The following PANK2 variants were observed in gnomAD, a reference collection of about 807,000 sequenced individuals.
PANK2 encodes the protein pantothenate kinase 2, mitochondrial.
A neutral mutation model predicts 43.1 loss-of-function variants in PANK2; 36 were observed. That is an observed-to-expected ratio of 0.84 (90% CI 0.64 to 1.10). PANK2 has a LOEUF of 1.10. Among genes scored for constraint, PANK2 ranks in the 50% least tolerant of loss-of-function variants. The pLI is 0.00. For missense variants in PANK2, 576 were observed against 593.3 expected (o/e 0.97, Z 0.30); for synonymous variants, 281 against 238.2 (o/e 1.18, Z -1.66).
Position 3,925,257 on chromosome 20 carries a change from G to C in PANK2, c.*1963G>C, listed in dbSNP as rs2090703306. 6.6e-6 allele frequency: 1 copy of C among 152,418 alleles called. No individual in the cohort carries two copies. Among genetic ancestry groups the C allele is most frequent in the Non-Finnish European group, 1.5e-5 (1 of 68,226 alleles). The allele number at this position is 152,418 out of a possible 1,614,324, so 9.4% of individuals were successfully genotyped here. On this transcript the variant is annotated 3_prime_UTR_variant, in exon 7 of 7. Coordinates refer to ENST00000610179, the MANE Select transcript of PANK2 (RefSeq NM_001386393.1). Reference sequence around the variant, plus strand: ...TGTCACTCCACAGCAGGGTTTTTGAGACAGTCTCGCTGTGTCACCCAGGTG... The same window carrying C: ...TGTCACTCCACAGCAGGGTTTTTGACACAGTCTCGCTGTGTCACCCAGGTG...
At chr20:3,913,794 T>A (rs6139238) in intron 4 of PANK2, among the ~76,000 whole-genome samples, 76,186 of 127,302 alleles carry the variant, frequency 0.6, 22,441 homozygotes, top group Non-Finnish European at 0.63. Context: ...ATATATATTT[T>A]TTTTTTTTTT....
chr20:3,917,964 C>T (rs953698586), intron 5 of PANK2, among the ~76,000 whole-genome samples: 3 of 152,112 alleles, frequency 2.0e-5, no homozygotes, highest in African/African-American at 7.2e-5. Flanking sequence ...TATCAAATAA[C>T]AGAGCTTGGC....
chr20:3,898,936 G>A (rs1256652752), intron 1 of PANK2, among the ~76,000 whole-genome samples: 1 of 151,592 alleles, frequency 6.6e-6, no homozygotes, highest in Non-Finnish European at 1.5e-5. Context: ...GTGCAGTGGT[G>A]CGACCTCGGC....
At chr20:3,921,257 GT>G (rs1395499159) in intron 6 of PANK2, 2 of 150,444 alleles carry the variant, frequency 1.3e-5, no homozygotes, top group African/African-American at 4.9e-5. Flanking sequence ...GTGTCCAAGT[GT>G]TCTCATTGTT....
At chr20:3,897,615 C>T (rs1033777380) in intron 1 of PANK2, among the ~76,000 whole-genome samples, 1 of 151,394 alleles carries the variant, frequency 6.6e-6, no homozygotes, top group African/African-American at 2.4e-5. Context: ...TCACTTGAGC[C>T]AGGGAGGTTG....
chr20:3,889,167 C>T, upstream of PANK2: 2 of 1,602,956 alleles, frequency 1.2e-6, no homozygotes, highest in Non-Finnish European at 1.7e-6. Flanking sequence ...CTCTTCTGGG[C>T]TACACCGCCT....
intron 2 of PANK2, among the ~76,000 whole-genome samples, chr20:3,910,190 T>G (rs1193554222): frequency 1.3e-5 from 2 of 152,202 alleles, no homozygotes; most frequent in African/African-American, 4.8e-5. Context: ...CCACCCTGTG[T>G]CACAAGGTGG....
At chr20:3,911,747 C>T (rs1015052825) in intron 3 of PANK2, among the ~76,000 whole-genome samples, 7 of 152,062 alleles carry the variant, frequency 4.6e-5, no homozygotes, top group African/African-American at 9.7e-5. Flanking sequence ...CAAAATTAGC[C>T]GGGCGTGGTG....
intron 4 of PANK2, among the ~76,000 whole-genome samples, chr20:3,914,796 G>C (rs2090531954): frequency 6.6e-6 from 1 of 151,568 alleles, no homozygotes; most frequent in Admixed American, 6.6e-5. Context: ...TTTTAGTAGA[G>C]ATGGGGTTTG....
In PANK2 at chr20:3,910,905, A is replaced by T. The variant is rs989832390; in HGVS notation, c.905+75A>T. On this transcript the variant is annotated intron_variant, in intron 3 of 6. Coordinates refer to ENST00000610179, the MANE Select transcript of PANK2 (RefSeq NM_001386393.1). ...GAGTTTTCAGGTATTACATGTAACT[A>T]CACCTTCAAGAACCTGTTAGGTGAA... 2.4e-5 allele frequency: 37 copies of T among 1,544,320 alleles called. No homozygotes were observed. The Admixed American group carries it at 5.7e-4, about 24-fold the overall frequency.
At position 3,910,764 on chromosome 20, in the gene PANK2, T is replaced by A. The variant is rs777170093; in HGVS notation, c.839T>A (p.Ile280Asn). 5 of 1,614,066 alleles carry A rather than the reference T, an allele frequency of 3.1e-6. No individual in the cohort carries two copies. In the South Asian group the frequency reaches 4.4e-5, roughly 14 times the overall value. Residue 280 changes from isoleucine to asparagine, a missense_variant, in exon 3 of 7, where the codon ATT becomes AAT. This residue lies in a region of PANK2 where 544 missense variants were observed against 528.9 expected (regional missense o/e 1.03). Transcript: ENST00000610179. ...CCGTATCCTCTGCTTCTGGTGAACA[T>A]TGGCTCAGGGGTTAGCATCTTAGCA...
rs936056778 is a variant in PANK2, at chr20:3,923,878, A to G, written c.*584A>G. ...GCAGTTCCACGTTACTTTACACTAA[A>G]TCCTGGGAATGAATGTCTGGAGAGA... On this transcript the variant is annotated 3_prime_UTR_variant, in exon 7 of 7. Transcript: ENST00000610179. The G allele has an allele frequency of 1.9e-5, 3 of 155,622 alleles. No individual in the cohort carries two copies. Among genetic ancestry groups the G allele is most frequent in the African/African-American group, 7.2e-5 (3 of 41,456 alleles). 9.6% of individuals were successfully genotyped at this position (155,622 alleles called of 1,614,324 possible). A position where few individuals can be genotyped will look rare whatever the true frequency, so the allele number is the denominator to read the frequency against.
chr20:3,903,885 C>T (rs1488727842), intron 1 of PANK2, among the ~76,000 whole-genome samples: 1 of 152,000 alleles, frequency 6.6e-6, no homozygotes, highest in Admixed American at 6.6e-5. Context: ...CTTCAGCCTC[C>T]CAAAGTGTTG....
chr20:3,895,069 A>C (rs1282902126), intron 1 of PANK2, among the ~76,000 whole-genome samples: 2 of 152,056 alleles, frequency 1.3e-5, no homozygotes, highest in Admixed American at 1.3e-4. Context: ...ACTTGAGACC[A>C]CGAGTTCAAG....
At chr20:3,913,788 A>T (rs1600553227) in intron 4 of PANK2, among the ~76,000 whole-genome samples, 2 of 132,834 alleles carry the variant, frequency 1.5e-5, no homozygotes, top group South Asian at 5.1e-4. Flanking sequence ...ATATATATAT[A>T]TATTTTTTTT....
At chr20:3,901,929 CTG>C (rs2090307790) in intron 1 of PANK2, among the ~76,000 whole-genome samples, 1 of 151,974 alleles carries the variant, frequency 6.6e-6, no homozygotes, top group African/African-American at 2.4e-5. Flanking sequence ...GATGAAAAGT[CTG>C]ATACTGACTT....
chr20:3,901,332 GCCA>G (rs2090297967), intron 1 of PANK2, among the ~76,000 whole-genome samples: 1 of 151,690 alleles, frequency 6.6e-6, no homozygotes, highest in Admixed American at 6.6e-5. Flanking sequence ...ACAGGCATGA[GCCA>G]CCACACCTGG....
intron 6 of PANK2, among the ~76,000 whole-genome samples, chr20:3,920,607 G>A (rs949377854): frequency 4.4e-4 from 67 of 152,156 alleles, no homozygotes; most frequent in Non-Finnish European, 1.6e-4. Flanking sequence ...AGCACTTTGG[G>A]AGGCCGAGGT....
At position 3,908,057 on chromosome 20, in the gene PANK2, T is replaced by G. The variant is rs775159353; in HGVS notation, c.430T>G (p.Ser144Ala). The change falls in exon 2 of 7, where the codon TCC becomes GCC. Residue 144 changes from serine to alanine, a missense_variant. By Grantham distance (99) the Ser-to-Ala change is moderately conservative. Around this residue, in one of 2 missense-constraint regions of PANK2, gnomAD observed 544 missense variants for 528.9 expected, o/e 1.03. Transcript: ENST00000610179. ...TAAAAGCATTCGGAAGTACCTGACC[T>G]CCAATGTGGCTTATGGGTCTACAGG... The G allele has an allele frequency of 6.2e-7, 1 of 1,614,172 alleles. No homozygotes were observed. Among genetic ancestry groups the G allele is most frequent in the Non-Finnish European group, 8.5e-7 (1 of 1,180,034 alleles).
Sources: gnomAD v4.1 joint callset for allele counts (sites outside exome capture counted in the v4.1 genomes callset) on GRCh38, gnomAD v4.1.1 for gene constraint, gnomAD v4.1.1 regional missense constraint, MANE v1.5 for transcripts, NCBI Gene and HGNC (gene_info 2026-07-23, HGNC 2026-07-21) for gene names.